Variants in ERC2 observed in about 807,000 individuals in gnomAD.
The protein encoded by ERC2 is ERC protein 2.
A neutral mutation model predicts 114.8 loss-of-function variants in ERC2; 42 were observed. The observed-to-expected ratio is 0.37, with a 90% CI of 0.29 to 0.47. The LOEUF (loss-of-function observed/expected upper bound fraction) is 0.47. Ranked by LOEUF, ERC2 falls within the 20% of genes least tolerant of loss-of-function variation. ERC2 has a pLI of 0.99. For missense variants in ERC2, 939 were observed against 1,150.7 expected, an observed-to-expected ratio of 0.82 and a Z score of 2.66; for synonymous variants, 454 against 425.5, an observed-to-expected ratio of 1.07 and a Z score of -0.82.
chr3:56,255,296 C>A (rs761680942), intron 3 of ERC2, among the ~76,000 whole-genome samples: 1 of 152,136 alleles, frequency 6.6e-6, no homozygotes, highest in Non-Finnish European at 1.5e-5. Context: ...AAGGCTGTAA[C>A]CCCCACCACG....
At chr3:55,802,425 GTGGGAATGCTATGTCATTTTTTA>G (rs1428238715) in intron 14 of ERC2, among the ~76,000 whole-genome samples, 3 of 152,208 alleles carry the variant, frequency 2.0e-5, no homozygotes, top group Non-Finnish European at 4.4e-5. Context: ...AAATTAAAAT[GTGGGAATGCTATGTCATTTTTTA>G]TAAGCACAAA....
intron 17 of ERC2, among the ~76,000 whole-genome samples, chr3:55,645,746 C>T (rs186499547): frequency 6.6e-6 from 1 of 152,216 alleles, no homozygotes; most frequent in Non-Finnish European, 1.5e-5. Flanking sequence ...GATAAGTGGT[C>T]CATTAATTCA....
At chr3:56,036,346 G>A (rs911548988) in intron 7 of ERC2, among the ~76,000 whole-genome samples, 2 of 152,124 alleles carry the variant, frequency 1.3e-5, no homozygotes, top group East Asian at 3.9e-4. Flanking sequence ...AGTACCTGGC[G>A]CCTTCTTTTC....
chr3:55,531,816 CCTCTT>C (rs1304923870), intron 17 of ERC2, among the ~76,000 whole-genome samples: 2 of 152,330 alleles, frequency 1.3e-5, no homozygotes, highest in Admixed American at 6.5e-5. Flanking sequence ...ACATAATCCT[CCTCTT>C]CTCTCCTTCC....
chr3:55,975,223 A>G (rs2069490895), intron 12 of ERC2, among the ~76,000 whole-genome samples: 4 of 152,152 alleles, frequency 2.6e-5, no homozygotes, highest in African/African-American at 9.7e-5. Flanking sequence ...ACCTTGCAGA[A>G]TGCATAGGAC....
chr3:55,883,941 G>C (rs2063244294), intron 14 of ERC2, among the ~76,000 whole-genome samples: 1 of 151,786 alleles, frequency 6.6e-6, no homozygotes, highest in Admixed American at 6.6e-5. Context: ...CACAAAACTG[G>C]AGAAATTGGA....
At chr3:55,685,617 C>T (rs999430234) in intron 16 of ERC2, among the ~76,000 whole-genome samples, 6 of 152,016 alleles carry the variant, frequency 3.9e-5, no homozygotes, top group African/African-American at 1.2e-4. Context: ...CCTAGCAACC[C>T]CTTGAAATTC....
chr3:56,379,411 C>T (rs2059666477), intron 2 of ERC2, among the ~76,000 whole-genome samples: 4 of 152,176 alleles, frequency 2.6e-5, no homozygotes, highest in Non-Finnish European at 5.9e-5. Context: ...TACTGAACAC[C>T]TTCTCTGTGC....
chr3:55,898,978 C>T (rs2063980269), intron 13 of ERC2, among the ~76,000 whole-genome samples: 1 of 152,176 alleles, frequency 6.6e-6, no homozygotes, highest in South Asian at 2.1e-4. Flanking sequence ...AATATGTATG[C>T]CACTAACTAC....
intron 10 of ERC2, among the ~76,000 whole-genome samples, chr3:55,995,425 T>C (rs1241754141): frequency 3.3e-5 from 5 of 152,220 alleles, no homozygotes; most frequent in Admixed American, 2.0e-4. Context: ...CAATATCTAC[T>C]GATTTTCAGG....
chr3:56,354,216 G>A (rs1299477771), intron 2 of ERC2, among the ~76,000 whole-genome samples: 1 of 152,254 alleles, frequency 6.6e-6, no homozygotes, highest in Non-Finnish European at 1.5e-5. Context: ...AAAGCTGTAT[G>A]TACATGTGCA....
intron 17 of ERC2, among the ~76,000 whole-genome samples, chr3:55,550,932 C>G (rs561224867): frequency 6.7e-6 from 1 of 149,502 alleles, no homozygotes; most frequent in Non-Finnish European, 1.5e-5. Context: ...AGAAGAATGG[C>G]GTGAACCTGG....
At chr3:55,583,646 G>A (rs1049592442) in intron 17 of ERC2, among the ~76,000 whole-genome samples, 2 of 149,118 alleles carry the variant, frequency 1.3e-5, no homozygotes, top group African/African-American at 5.0e-5. Flanking sequence ...AATTTACTGA[G>A]TACAAGTCTA....
intron 14 of ERC2, among the ~76,000 whole-genome samples, chr3:55,839,209 A>T (rs2149211159): frequency 6.6e-6 from 1 of 151,962 alleles, no homozygotes; most frequent in East Asian, 1.9e-4. Flanking sequence ...AAAAAGAATC[A>T]GCCAAACTAG....
intron 2 of ERC2, among the ~76,000 whole-genome samples, chr3:56,396,755 T>C (rs2060323119): frequency 2.0e-5 from 3 of 151,966 alleles, no homozygotes; most frequent in Admixed American, 6.6e-5. Context: ...AAGGAAAGAT[T>C]TTTTTTCAAA....
chr3:56,296,017 ACCTCTCTAAGATGTATGTTTT>A lies in ERC2; in HGVS notation c.1055_1074+1del. On this transcript the variant is annotated splice_donor_variant and coding_sequence_variant, in exon 3 of 18. Coordinates refer to ENST00000288221, the MANE Select transcript of ERC2 (RefSeq NM_015576.3). LOFTEE classifies it high-confidence loss of function. Reference sequence around the variant, plus strand: ...TTGGGGAAATACAGTGAATGCTCTTACCTCTCTAAGATGTATGTTTTCCTTCTCTTTCTGATCTAAAATCAC... The same window carrying A: ...TTGGGGAAATACAGTGAATGCTCTTACCTTCTCTTTCTGATCTAAAATCAC... 1 of 1,569,312 alleles carries A rather than the reference ACCTCTCTAAGATGTATGTTTT, an allele frequency of 6.4e-7. No homozygotes were observed. The highest frequency in any genetic ancestry group is 8.6e-7 in the Non-Finnish European group (1 of 1,158,108).
chr3:56,372,613 C>G (rs897513249), intron 2 of ERC2, among the ~76,000 whole-genome samples: 3 of 151,910 alleles, frequency 2.0e-5, no homozygotes, highest in African/African-American at 7.3e-5. Context: ...TGTTGTCCCC[C>G]GCTACTCAGG....
chr3:56,315,071 G>A (rs889304582), intron 2 of ERC2, among the ~76,000 whole-genome samples: 5 of 152,260 alleles, frequency 3.3e-5, no homozygotes, highest in African/African-American at 1.2e-4. Context: ...TGGGACAGCC[G>A]CCATAACCAC....
At chr3:55,788,920 C>T (rs1207094196) in intron 14 of ERC2, among the ~76,000 whole-genome samples, 1 of 152,158 alleles carries the variant, frequency 6.6e-6, no homozygotes, top group Admixed American at 6.5e-5. Flanking sequence ...ATAACCAGCA[C>T]CCAAAGCCTT....
Sources: allele counts gnomAD v4.1 joint callset (sites outside exome capture counted in the v4.1 genomes callset), GRCh38; gene constraint gnomAD v4.1.1; transcripts MANE v1.5; gene names NCBI Gene and HGNC (gene_info 2026-07-23, HGNC 2026-07-21).